DIP2C: variants seen among roughly 807,000 people sequenced by gnomAD.
DIP2C encodes DIP2 acetate--CoA ligase C (putative).
Under a neutral mutation model 192.4 loss-of-function variants are expected in DIP2C, and 33 were observed. The observed-to-expected ratio is 0.17, with a 90% CI of 0.13 to 0.23. The LOEUF (loss-of-function observed/expected upper bound fraction) is 0.23. DIP2C is among the 10% of genes least tolerant of loss of function. The pLI is 1.00. For missense variants in DIP2C, 1,537 were observed against 2,110.1 expected, an observed-to-expected ratio of 0.73 and a Z score of 5.32; for synonymous variants, 979 against 864.1, an observed-to-expected ratio of 1.13 and a Z score of -2.33.
chr10:578,931 T>C lies in DIP2C; in HGVS notation c.86-92401A>G, dbSNP rs1191226838. 2.6e-5 allele frequency among the ~76,000 whole-genome samples: 4 copies of C among 151,352 alleles called. No individual in the cohort carries two copies. The East Asian group carries it at 5.9e-4, about 22-fold the overall frequency. ...CCACAGTGTGTGCACATAGGCACAC[T>C]GTAACATGTGTACGTGCATAGAGCA... On this transcript the variant is annotated intron_variant, in intron 1 of 36. Transcript: ENST00000280886.
intron 1 of DIP2C, among the ~76,000 whole-genome samples, chr10:569,775 G>A (rs1359583935): frequency 2.6e-5 from 4 of 152,106 alleles, no homozygotes; most frequent in Non-Finnish European, 5.9e-5. Context: ...ACAAAGGCAG[G>A]GGTAGGGAGG....
At chr10:512,922 GAAAAAA>G (rs60269783) in intron 1 of DIP2C, among the ~76,000 whole-genome samples, 18 of 92,208 alleles carry the variant, frequency 2.0e-4, no homozygotes, top group Middle Eastern at 6.1e-3. Flanking sequence ...CCCACTTCAG[GAAAAAA>G]AAAAAAAAAA....
At chr10:553,088 C>T (rs542179899) in intron 1 of DIP2C, among the ~76,000 whole-genome samples, 22 of 152,348 alleles carry the variant, frequency 1.4e-4, no homozygotes, top group Non-Finnish European at 2.4e-4. Context: ...CCAAGAGGCT[C>T]GTGCCAACAG....
intron 36 of DIP2C, among the ~76,000 whole-genome samples, chr10:279,899 G>T (rs907000282): frequency 6.6e-6 from 1 of 152,188 alleles, no homozygotes. Flanking sequence ...ACCTTTTAGC[G>T]GGAAACCAGA....
At chr10:550,245 C>T (rs983980396) in intron 1 of DIP2C, among the ~76,000 whole-genome samples, 4 of 151,070 alleles carry the variant, frequency 2.6e-5, no homozygotes, top group Admixed American at 1.3e-4. Flanking sequence ...CCTGACCTCA[C>T]GTGATCCACC....
chr10:482,804 G>A (rs1049359165), intron 2 of DIP2C, among the ~76,000 whole-genome samples: 1 of 152,168 alleles, frequency 6.6e-6, no homozygotes, highest in African/African-American at 2.4e-5. Flanking sequence ...AGGCTGCCAG[G>A]CAGTGGATTT....
intron 32 of DIP2C, among the ~76,000 whole-genome samples, chr10:308,224 C>T (rs1445877128): frequency 1.3e-5 from 2 of 149,536 alleles, no homozygotes; most frequent in African/African-American, 5.1e-5. Flanking sequence ...GAGGAGCTCC[C>T]CTCGGCACTG....
intron 19 of DIP2C, among the ~76,000 whole-genome samples, 172 bp downstream of exon 19, chr10:366,103 A>G (rs1960164985): frequency 6.6e-6 from 1 of 151,842 alleles, no homozygotes; most frequent in South Asian, 2.1e-4. Context: ...ATGCTGATAA[A>G]ACAAATTTAT....
intron 10 of DIP2C, among the ~76,000 whole-genome samples, chr10:395,429 A>C (rs542317718): frequency 6.6e-4 from 101 of 152,218 alleles, no homozygotes; most frequent in African/African-American, 2.3e-3. Context: ...ATAACTTGTC[A>C]GTTAAAATAA....
At chr10:599,148 C>T (rs895037965) in intron 1 of DIP2C, among the ~76,000 whole-genome samples, 2 of 152,148 alleles carry the variant, frequency 1.3e-5, no homozygotes, top group Non-Finnish European at 2.9e-5. Flanking sequence ...CCCCAGCGTT[C>T]CCAGGGAGGA....
chr10:386,095 G>A (rs1489536012), intron 14 of DIP2C, among the ~76,000 whole-genome samples: 2 of 152,140 alleles, frequency 1.3e-5, no homozygotes, highest in South Asian at 2.1e-4. Flanking sequence ...ACGAGGCCTC[G>A]AAAGCAGGGC....
rs1341413789 is a variant in DIP2C at position 666,078 on chromosome 10, C to T, written c.85+23416G>A. 2 of 152,268 alleles carry T rather than the reference C, an allele frequency of 1.3e-5. No homozygotes were observed. The highest frequency in any genetic ancestry group is 3.9e-4 in the East Asian group (2 of 5,186). 9.4% of individuals were successfully genotyped at this position (152,268 alleles called of 1,614,324 possible). A position where few individuals can be genotyped will look rare whatever the true frequency, so the allele number is the denominator to read the frequency against. On this transcript the variant is annotated intron_variant, in intron 1 of 36. Coordinates refer to ENST00000280886, the MANE Select transcript of DIP2C (RefSeq NM_014974.3). The surrounding 1 kb of genome is among the most constrained non-coding windows in gnomAD (Gnocchi z 4.1). ...CCCGCAGCTCTCCCTCCACGCGTGG[C>T]TACGGTGGAGGAACGAAGAGCAGCT...
chr10:612,408 C>G (rs969757803), intron 1 of DIP2C, among the ~76,000 whole-genome samples: 3 of 152,128 alleles, frequency 2.0e-5, no homozygotes, highest in African/African-American at 7.2e-5. Flanking sequence ...ATTTAACTAT[C>G]TTTTAAGAAG....
chr10:571,213 C>CT (rs1849775628), intron 1 of DIP2C, among the ~76,000 whole-genome samples: 1 of 152,258 alleles, frequency 6.6e-6, no homozygotes, highest in Non-Finnish European at 1.5e-5. Flanking sequence ...AAGCACTTCT[C>CT]TCTCCAACCT....
At chr10:413,840 ACTGAGTTTCCTGCGTTCGGGAGTGG>A (rs1965349700) in intron 8 of DIP2C, 48 bp downstream of exon 8, 1 of 1,548,518 alleles carries the variant, frequency 6.5e-7, no homozygotes, top group Non-Finnish European at 8.8e-7. Context: ...GTAAACGGAC[ACTGAGTTTCCTGCGTTCGGGAGTGG>A]CTGTGCGAGG....
intron 1 of DIP2C, among the ~76,000 whole-genome samples, chr10:644,254 G>C (rs373094337): frequency 6.6e-6 from 1 of 152,232 alleles, no homozygotes; most frequent in African/African-American, 2.4e-5. Context: ...GGGATGGGGA[G>C]GCTGCAGGAG....
intron 31 of DIP2C, among the ~76,000 whole-genome samples, chr10:318,862 AT>A (rs1956884380): frequency 1.3e-5 from 2 of 151,602 alleles, no homozygotes; most frequent in African/African-American, 2.4e-5. Flanking sequence ...ACAACTATTT[AT>A]TTTGAGAATT....
At chr10:565,846 G>A (rs1564205269) in intron 1 of DIP2C, among the ~76,000 whole-genome samples, 1 of 152,204 alleles carries the variant, frequency 6.6e-6, no homozygotes, top group Non-Finnish European at 1.5e-5. Flanking sequence ...CCTAATAACT[G>A]AGTCCAAGGG....
chr10:495,173 AAGT>A (rs1174873649), intron 1 of DIP2C, among the ~76,000 whole-genome samples: 6 of 152,218 alleles, frequency 3.9e-5, no homozygotes, highest in Non-Finnish European at 8.8e-5. Context: ...CATCTTAAAA[AAGT>A]AGAATTTGTA....
Sources: gnomAD v4.1 joint callset for allele counts (sites outside exome capture counted in the v4.1 genomes callset) on GRCh38, gnomAD v4.1.1 for gene constraint, Gnocchi (gnomAD v3.1) non-coding constraint, MANE v1.5 for transcripts, NCBI Gene and HGNC (gene_info 2026-07-23, HGNC 2026-07-21) for gene names.